HDAC5: variants seen among roughly 807,000 people sequenced by gnomAD.
HDAC5 encodes the protein antigen NY-CO-9.
HDAC5 carries 25 observed loss-of-function variants against 133.3 expected under a neutral mutation model. That is an observed-to-expected ratio of 0.19 (90% CI 0.14 to 0.26). HDAC5 has a LOEUF of 0.26. Ranked by LOEUF, HDAC5 falls within the 10% of genes least tolerant of loss-of-function variation. HDAC5 has a pLI of 1.00. For synonymous variants in HDAC5, 589 were observed against 610.8 expected (o/e 0.96, Z 0.53); for missense variants, 1,041 against 1,460.5 (o/e 0.71, Z 4.68).
At chr17:44,090,701 T>G (rs1347787453) in intron 11 of HDAC5, among the ~76,000 whole-genome samples, 2 of 151,876 alleles carry the variant, frequency 1.3e-5, no homozygotes, top group African/African-American at 4.8e-5. Flanking sequence ...TTTTTTTATT[T>G]TTTTGAGACG....
chr17:44,092,582 C>G, intron 7 of HDAC5, 55 bp from the exon 8 acceptor site: 3 of 1,577,366 alleles, frequency 1.9e-6, no homozygotes, highest in Non-Finnish European at 2.6e-6. Context: ...ACATCTGCAG[C>G]TGAGCCCACT....
chr17:44,084,316 G>A (rs561716867), intron 16 of HDAC5, among the ~76,000 whole-genome samples: 2 of 152,226 alleles, frequency 1.3e-5, no homozygotes, highest in East Asian at 3.9e-4. Flanking sequence ...GTGGAGGAGG[G>A]GAACAAAGCA....
chr17:44,112,684 G>A (rs953904573), intron 2 of HDAC5, among the ~76,000 whole-genome samples: 5 of 152,182 alleles, frequency 3.3e-5, no homozygotes, highest in African/African-American at 4.8e-5. Context: ...GGATGGCAAA[G>A]GGGTCTCCTG....
At chr17:44,111,233 AGCCGCC>A in intron 2 of HDAC5, 1 of 286,850 alleles carries the variant, frequency 3.5e-6, no homozygotes, top group South Asian at 3.4e-5. Flanking sequence ...TTCCCGAATG[AGCCGCC>A]GCCGGCAGCT....
chr17:44,105,986 C>T (rs1393724517), intron 3 of HDAC5, among the ~76,000 whole-genome samples: 1 of 152,196 alleles, frequency 6.6e-6, no homozygotes, highest in Non-Finnish European at 1.5e-5. Context: ...GTGTCAAGGC[C>T]TGAGAATCTG....
chr17:44,080,305 C>T, intron 22 of HDAC5, 80 bp from the exon 23 acceptor site: 1 of 1,541,346 alleles, frequency 6.5e-7, no homozygotes, highest in Non-Finnish European at 9.0e-7. Context: ...CAGAGACAAC[C>T]CCCTCTACCC....
intron 3 of HDAC5, among the ~76,000 whole-genome samples, chr17:44,110,162 T>A (rs998611506): frequency 1.3e-5 from 2 of 152,186 alleles, no homozygotes; most frequent in African/African-American, 4.8e-5. Context: ...AGCCCCTCAA[T>A]ATCCAAGCTG....
At chr17:44,099,737 G>A (rs2051475576) in intron 3 of HDAC5, among the ~76,000 whole-genome samples, 1 of 152,188 alleles carries the variant, frequency 6.6e-6, no homozygotes, top group Non-Finnish European at 1.5e-5. Context: ...GCCTCCCAAA[G>A]TGCCAGGATT....
At chr17:44,085,412 C>A in intron 14 of HDAC5, 1 of 313,098 alleles carries the variant, frequency 3.2e-6, no homozygotes, top group Non-Finnish European at 5.9e-6. Context: ...TGGCTCACTG[C>A]AGCCTCAACC....
chr17:44,097,515 T>C (rs1012989694), intron 3 of HDAC5, among the ~76,000 whole-genome samples: 4 of 152,240 alleles, frequency 2.6e-5, no homozygotes, highest in African/African-American at 9.6e-5. Context: ...TGGAGGTAAC[T>C]AGCCACAGCC....
intron 3 of HDAC5, among the ~76,000 whole-genome samples, chr17:44,098,522 T>C (rs1330188678): frequency 6.6e-6 from 1 of 152,062 alleles, no homozygotes; most frequent in East Asian, 1.9e-4. Context: ...GCGGATCACC[T>C]GAGGTCAGGA....
chr17:44,122,276 A>C (rs1198418999), intron 1 of HDAC5, among the ~76,000 whole-genome samples: 6 of 152,126 alleles, frequency 3.9e-5, no homozygotes, highest in Admixed American at 3.9e-4. Flanking sequence ...AGAGGAAGCC[A>C]AAGGCAGGAC....
At chr17:44,092,087 G>T in intron 9 of HDAC5, 85 bp downstream of exon 9, 1 of 1,247,436 alleles carries the variant, frequency 8.0e-7, no homozygotes. Context: ...CACTCAGGCA[G>T]ACAGACTGGA....
In HDAC5 at chr17:44,123,003, G is replaced by A. The variant is rs1349971282; in HGVS notation, c.-190+501C>T. Among the ~76,000 whole-genome samples the A allele has an allele frequency of 3.9e-5, 6 of 152,190 alleles. No homozygotes were observed. In the East Asian group the frequency reaches 9.6e-4, roughly 24 times the overall value. On this transcript the variant is annotated intron_variant, in intron 1 of 26. Transcript: ENST00000682912. The stretch of plus-strand genomic sequence containing the variant: ...GCAGTCCCCCTCCTCATGCACGGAA[G>A]TCAAGGACATAAAATCAAGGATGCG...
Position 44,091,498 on chromosome 17 carries a change from G to T in HDAC5, c.1165-6C>A. The T allele has an allele frequency of 6.5e-7, 1 of 1,546,950 alleles. No homozygotes were observed. On this transcript the variant is annotated splice_region_variant and splice_polypyrimidine_tract_variant and intron_variant, in intron 10 of 26. Coordinates refer to ENST00000682912, the MANE Select transcript of HDAC5 (RefSeq NM_005474.5). ...GTCGACAGCTTCGGGGAGGCCTGGG[G>T]GGTGAAGGGAGGGGCTTATACAGCC...
intron 3 of HDAC5, among the ~76,000 whole-genome samples, chr17:44,107,942 C>T (rs2052073766): frequency 6.6e-6 from 1 of 152,176 alleles, no homozygotes; most frequent in African/African-American, 2.4e-5. Flanking sequence ...GCATCAGCTC[C>T]ACCCAGTACA....
intron 3 of HDAC5, among the ~76,000 whole-genome samples, chr17:44,108,083 G>T (rs1012272475): frequency 6.6e-6 from 1 of 152,164 alleles, no homozygotes; most frequent in African/African-American, 2.4e-5. Context: ...TGATGGTGGT[G>T]CCCACTGTGC....
chr17:44,098,409 C>T (rs993881141), intron 3 of HDAC5, among the ~76,000 whole-genome samples: 3 of 152,018 alleles, frequency 2.0e-5, no homozygotes, highest in Non-Finnish European at 4.4e-5. Context: ...AGGCCCGGGG[C>T]GTGGTGGCCA....
chr17:44,080,933 T>A, intron 20 of HDAC5, 51 bp from the exon 21 acceptor site: 4 of 1,612,560 alleles, frequency 2.5e-6, no homozygotes, highest in Non-Finnish European at 3.4e-6. Flanking sequence ...TCTGACCCAA[T>A]GGTCAAATTC....
Sources: gnomAD v4.1 joint callset for allele counts (sites outside exome capture counted in the v4.1 genomes callset) on GRCh38, gnomAD v4.1.1 for gene constraint, MANE v1.5 for transcripts, NCBI Gene and HGNC (gene_info 2026-07-23, HGNC 2026-07-21) for gene names.